Variants in DPYD observed in about 807,000 individuals in gnomAD.
DPYD encodes dihydropyrimidine dehydrogenase [NADP(+)].
In DPYD, 109 loss-of-function variants were observed where a neutral mutation model predicts 116.2. The ratio of observed to expected loss-of-function variants is 0.94; its 90% CI spans 0.80 to 1.10. The LOEUF is 1.10. Among genes scored for constraint, DPYD ranks in the 50% least tolerant of loss-of-function variants. DPYD has a pLI of 0.00. For synonymous variants in DPYD, 440 were observed against 432.0 expected, an observed-to-expected ratio of 1.02 and a Z score of -0.23; for missense variants, 1,302 against 1,254.5, an observed-to-expected ratio of 1.04 and a Z score of -0.57.
intron 20 of DPYD, among the ~76,000 whole-genome samples, chr1:97,145,563 CG>C (rs1654555286): frequency 6.6e-6 from 1 of 152,074 alleles, no homozygotes; most frequent in Non-Finnish European, 1.5e-5. Context: ...GAGATATTGT[CG>C]AAATCACAAA....
chr1:97,730,916 A>G (rs1286198874), intron 4 of DPYD, among the ~76,000 whole-genome samples: 5 of 152,132 alleles, frequency 3.3e-5, no homozygotes, highest in African/African-American at 1.2e-4. Context: ...AAAGAATTCT[A>G]CAATTTCATT....
chr1:97,883,160 G>T lies in DPYD; in HGVS notation c.150+104C>A, dbSNP rs536247915. On this transcript the variant is annotated intron_variant, in intron 2 of 22. Coordinates refer to ENST00000370192, the MANE Select transcript of DPYD (RefSeq NM_000110.4). Reference sequence around the variant, plus strand: ...ATATTTAAAATATTTTTAAAATCACGGCTGTACTTTAATACCTTATTTCTA... The same window carrying T: ...ATATTTAAAATATTTTTAAAATCACTGCTGTACTTTAATACCTTATTTCTA... 14 of 702,968 alleles carry T rather than the reference G, an allele frequency of 2.0e-5. No individual in the cohort carries two copies. The South Asian group carries it at 2.6e-4, about 13-fold the overall frequency. The allele number at this position is 702,968 out of a possible 1,614,324, so 43.5% of individuals were successfully genotyped here. A position where few individuals can be genotyped will look rare whatever the true frequency, so the allele number is the denominator to read the frequency against.
At position 97,625,948 on chromosome 1, in the gene DPYD, G is replaced by A. The variant is rs559843703; in HGVS notation, c.851-30782C>T. Among the ~76,000 whole-genome samples, 9 of 152,138 alleles carry A rather than the reference G, an allele frequency of 5.9e-5. No individual in the cohort carries two copies. In the South Asian group the frequency reaches 1.0e-3, roughly 18 times the overall value. The stretch of plus-strand genomic sequence containing the variant: ...CTGGACAAATGAAAGAAAAGGTCAC[G>A]TGGGCTTTGGCAGATGATGAATCTG... On this transcript the variant is annotated intron_variant, in intron 8 of 22. Transcript: ENST00000370192.
At chr1:97,145,604 A>G (rs1396533794) in intron 20 of DPYD, among the ~76,000 whole-genome samples, 1 of 152,158 alleles carries the variant, frequency 6.6e-6, no homozygotes, top group Non-Finnish European at 1.5e-5. Context: ...ACAGGGTATT[A>G]TAATAAGCAC....
chr1:97,174,467 C>G (rs1420488996), intron 20 of DPYD, among the ~76,000 whole-genome samples: 1 of 152,222 alleles, frequency 6.6e-6, no homozygotes, highest in Non-Finnish European at 1.5e-5. Context: ...AGTCTTCCAA[C>G]TCCACACCCA....
intron 8 of DPYD, among the ~76,000 whole-genome samples, chr1:97,646,792 G>C (rs1263702430): frequency 6.6e-6 from 1 of 152,056 alleles, no homozygotes; most frequent in East Asian, 1.9e-4. Context: ...GAGGGACAGA[G>C]TTCTCTCCTT....
intron 14 of DPYD, among the ~76,000 whole-genome samples, chr1:97,409,973 G>A (rs1673886300): frequency 6.6e-6 from 1 of 151,926 alleles, no homozygotes; most frequent in African/African-American, 2.4e-5. Context: ...AGCTAAGGCA[G>A]AAGAATTGCT....
At chr1:97,465,783 G>T (rs1217434521) in intron 13 of DPYD, among the ~76,000 whole-genome samples, 1 of 152,172 alleles carries the variant, frequency 6.6e-6, no homozygotes. Context: ...ACTAATACAT[G>T]TGTAAAACCA....
intron 11 of DPYD, among the ~76,000 whole-genome samples, chr1:97,551,487 C>A (rs115460054): frequency 0.014 from 2,140 of 152,178 alleles, 25 homozygotes; most frequent in Middle Eastern, 0.027. Flanking sequence ...AAAATGAATT[C>A]TGTTCTATCA....
chr1:97,543,603 C>T (rs1302256558), intron 12 of DPYD, among the ~76,000 whole-genome samples: 6 of 152,028 alleles, frequency 3.9e-5, no homozygotes, highest in African/African-American at 1.4e-4. Flanking sequence ...ATGTCATAAG[C>T]CTTAGTTGTG....
At chr1:97,787,998 T>C (rs1320474314) in intron 3 of DPYD, among the ~76,000 whole-genome samples, 1 of 152,196 alleles carries the variant, frequency 6.6e-6, no homozygotes, top group Non-Finnish European at 1.5e-5. Context: ...GAAAACTACT[T>C]TATTTGTAAT....
At chr1:97,711,588 T>C (rs1001985640) in intron 5 of DPYD, among the ~76,000 whole-genome samples, 2 of 151,960 alleles carry the variant, frequency 1.3e-5, no homozygotes, top group African/African-American at 4.8e-5. Context: ...ATAAATGTTC[T>C]GCAAGTGCAT....
intron 8 of DPYD, among the ~76,000 whole-genome samples, chr1:97,644,365 T>C (rs1304383755): frequency 1.3e-5 from 2 of 152,172 alleles, no homozygotes; most frequent in Non-Finnish European, 2.9e-5. Context: ...GGTAACTATA[T>C]GTTGCAAATA....
At chr1:97,194,499 TTTTATTTA>T (rs536710292) in intron 19 of DPYD, among the ~76,000 whole-genome samples, 135 of 152,006 alleles carry the variant, frequency 8.9e-4, no homozygotes, top group Non-Finnish European at 1.5e-3. Flanking sequence ...AGGTATATCT[TTTTATTTA>T]TTTATTTATT....
chr1:97,537,353 T>G (rs768093914), intron 12 of DPYD, among the ~76,000 whole-genome samples: 1 of 152,182 alleles, frequency 6.6e-6, no homozygotes, highest in African/African-American at 2.4e-5. Context: ...TAAAATAAAA[T>G]AGTAAATATG....
chr1:97,886,508 G>C (rs375791369), intron 1 of DPYD, among the ~76,000 whole-genome samples: 20 of 152,168 alleles, frequency 1.3e-4, no homozygotes, highest in African/African-American at 4.8e-4. Flanking sequence ...TTGCACACAA[G>C]GAAGAGCAAG....
chr1:97,679,267 T>C (rs1660313206), intron 7 of DPYD, 85 bp from the exon 8 acceptor site: 2 of 735,402 alleles, frequency 2.7e-6, no homozygotes, highest in Non-Finnish European at 4.5e-6. Flanking sequence ...GAATGAAAAG[T>C]CAGCCAAAAA....
At chr1:97,414,518 T>C (rs1250987562) in intron 14 of DPYD, among the ~76,000 whole-genome samples, 1 of 152,222 alleles carries the variant, frequency 6.6e-6, no homozygotes, top group Non-Finnish European at 1.5e-5. Context: ...ATTTTTCTGA[T>C]GTGCATCAGA....
intron 2 of DPYD, among the ~76,000 whole-genome samples, chr1:97,877,920 T>C (rs1053206670): frequency 6.6e-6 from 1 of 151,996 alleles, no homozygotes; most frequent in Non-Finnish European, 1.5e-5. Context: ...TTAATAGCCA[T>C]GTAAACTTGA....
Sources: gnomAD v4.1 joint callset for allele counts (sites outside exome capture counted in the v4.1 genomes callset) on GRCh38, gnomAD v4.1.1 for gene constraint, MANE v1.5 for transcripts, NCBI Gene and HGNC (gene_info 2026-07-23, HGNC 2026-07-21) for gene names.